Variants in CACNA2D3 observed in about 807,000 individuals in gnomAD.
The protein encoded by CACNA2D3 is calcium voltage-gated channel auxiliary subunit alpha2delta 3.
Under a neutral mutation model 160.6 loss-of-function variants are expected in CACNA2D3, and 60 were observed. That is an observed-to-expected ratio of 0.37 (90% CI 0.30 to 0.46). The LOEUF is 0.46. Ranked by LOEUF, CACNA2D3 falls within the 20% of genes least tolerant of loss-of-function variation. The pLI, the probability that CACNA2D3 is intolerant of heterozygous loss-of-function variation, is 1.00. For synonymous variants in CACNA2D3, 558 were observed against 492.9 expected (o/e 1.13, Z -1.75); for missense variants, 1,205 against 1,365.0 (o/e 0.88, Z 1.85).
At chr3:54,402,413 A>G (rs1350923121) in intron 4 of CACNA2D3, among the ~76,000 whole-genome samples, 1 of 152,228 alleles carries the variant, frequency 6.6e-6, no homozygotes, top group African/African-American at 2.4e-5. Flanking sequence ...AAGGACACAC[A>G]TAGGCTGAAA....
intron 27 of CACNA2D3, among the ~76,000 whole-genome samples, chr3:54,964,249 TA>T (rs2107056069): frequency 6.6e-6 from 1 of 152,298 alleles, no homozygotes; most frequent in Admixed American, 6.5e-5. Flanking sequence ...TGCAGTTGTG[TA>T]AAGGGACTTT....
chr3:54,343,639 G>T (rs1247719042), intron 3 of CACNA2D3, among the ~76,000 whole-genome samples: 1 of 152,038 alleles, frequency 6.6e-6, no homozygotes, highest in Non-Finnish European at 1.5e-5. Context: ...GAACTTCTGG[G>T]CTCAAGAGAG....
chr3:54,638,670 CAG>C (rs1453149625), intron 10 of CACNA2D3: 1 of 151,836 alleles, frequency 6.6e-6, no homozygotes. Context: ...GCACTGGGCA[CAG>C]AGACTAGGAA....
chr3:54,863,733 T>A (rs916618358), intron 17 of CACNA2D3, among the ~76,000 whole-genome samples: 1 of 151,698 alleles, frequency 6.6e-6, no homozygotes, highest in Non-Finnish European at 1.5e-5. Flanking sequence ...AAAAAAAAAA[T>A]ACCAAAGCTG....
At chr3:54,864,429 C>T (rs777420137) in intron 17 of CACNA2D3, among the ~76,000 whole-genome samples, 3 of 152,130 alleles carry the variant, frequency 2.0e-5, no homozygotes, top group Non-Finnish European at 4.4e-5. Flanking sequence ...CACACCACTG[C>T]GCTCAGCTAA....
intron 2 of CACNA2D3, among the ~76,000 whole-genome samples, chr3:54,184,203 GC>G (rs1204841162): frequency 2.0e-5 from 3 of 152,210 alleles, no homozygotes; most frequent in Non-Finnish European, 4.4e-5. Context: ...GAAAGCTGGA[GC>G]CCTAGAGGTT....
At chr3:54,941,635 A>T (rs537979901) in intron 27 of CACNA2D3, among the ~76,000 whole-genome samples, 67 of 152,260 alleles carry the variant, frequency 4.4e-4, no homozygotes, top group African/African-American at 1.5e-3. Context: ...TGACAAGACA[A>T]CCCATAACAT....
At chr3:54,811,025 C>G (rs1484864688) in intron 13 of CACNA2D3, among the ~76,000 whole-genome samples, 1 of 152,152 alleles carries the variant, frequency 6.6e-6, no homozygotes, top group East Asian at 1.9e-4. Context: ...TGGGATGTCC[C>G]CGATTGAGTC....
At chr3:54,848,002 G>A (rs1698972215) in intron 17 of CACNA2D3, among the ~76,000 whole-genome samples, 1 of 152,088 alleles carries the variant, frequency 6.6e-6, no homozygotes, top group Non-Finnish European at 1.5e-5. Flanking sequence ...GTCATTTAAA[G>A]GAAAAATGAA....
chr3:54,465,425 C>T (rs1238164978), intron 4 of CACNA2D3, among the ~76,000 whole-genome samples: 1 of 152,060 alleles, frequency 6.6e-6, no homozygotes, highest in Non-Finnish European at 1.5e-5. Context: ...CTTACTGTGC[C>T]TAATTTATAA....
intron 29 of CACNA2D3, among the ~76,000 whole-genome samples, chr3:54,974,880 T>G (rs2107082277): frequency 6.6e-6 from 1 of 152,274 alleles, no homozygotes; most frequent in East Asian, 1.9e-4. Flanking sequence ...ATGTTGGGCT[T>G]AATTTGGGAG....
At chr3:54,561,423 T>C (rs2106704066) in intron 5 of CACNA2D3, among the ~76,000 whole-genome samples, 1 of 152,352 alleles carries the variant, frequency 6.6e-6, no homozygotes, top group South Asian at 2.1e-4. Context: ...TGCACATTGA[T>C]GTTGTATCCT....
intron 9 of CACNA2D3, among the ~76,000 whole-genome samples, chr3:54,601,098 CTG>C (rs1421774968): frequency 2.0e-5 from 3 of 152,200 alleles, no homozygotes; most frequent in Non-Finnish European, 4.4e-5. Context: ...CGACATTTGA[CTG>C]TGCATTTTGA....
At chr3:54,507,895 T>C (rs1372303426) in intron 5 of CACNA2D3, among the ~76,000 whole-genome samples, 2 of 152,212 alleles carry the variant, frequency 1.3e-5, no homozygotes, top group Admixed American at 6.5e-5. Flanking sequence ...GGGGATGTGC[T>C]GAGGATTGAA....
In CACNA2D3 at chr3:54,606,659, G is replaced by A. The variant is rs73844110; in HGVS notation, c.964-21128G>A. On this transcript the variant is annotated intron_variant, in intron 9 of 37. Transcript: ENST00000474759. ...AAGGCACATGAAGTGAGTTGAATTC[G>A]GAGGCTCCCGCTCGCTCCATTCCAG... Among the ~76,000 whole-genome samples the A allele has an allele frequency of 5.5e-3, 842 of 152,154 alleles. 4 individuals are homozygous for A. Among genetic ancestry groups the A allele is most frequent in the African/African-American group, 0.018 (743 of 41,502 alleles).
intron 13 of CACNA2D3, among the ~76,000 whole-genome samples, chr3:54,802,590 C>T (rs539905885): frequency 6.6e-6 from 1 of 152,286 alleles, no homozygotes; most frequent in Admixed American, 6.5e-5. Context: ...AGATACCCAG[C>T]TGCAAGTTTC....
intron 14 of CACNA2D3, among the ~76,000 whole-genome samples, chr3:54,828,260 A>G (rs908296569): frequency 4.4e-4 from 67 of 152,308 alleles, no homozygotes; most frequent in Non-Finnish European, 1.8e-4. Context: ...TGGGGGGTCA[A>G]TTATGTGTCA....
At chr3:54,199,405 C>T (rs1701136568) in intron 2 of CACNA2D3, among the ~76,000 whole-genome samples, 1 of 152,058 alleles carries the variant, frequency 6.6e-6, no homozygotes, top group Admixed American at 6.6e-5. Flanking sequence ...TTACCATCAC[C>T]CAGGCTGGAG....
At chr3:54,861,741 A>G (rs1217758869) in intron 17 of CACNA2D3, among the ~76,000 whole-genome samples, 1 of 152,228 alleles carries the variant, frequency 6.6e-6, no homozygotes, top group African/African-American at 2.4e-5. Context: ...AGATAGAAGC[A>G]ATGGACATGG....
Sources: allele counts gnomAD v4.1 joint callset (sites outside exome capture counted in the v4.1 genomes callset), GRCh38; gene constraint gnomAD v4.1.1; transcripts MANE v1.5; gene names NCBI Gene and HGNC (gene_info 2026-07-23, HGNC 2026-07-21).